AGMO: variants seen among roughly 807,000 people sequenced by gnomAD.
AGMO encodes glyceryl-ether monooxygenase.
Under a neutral mutation model 60.2 loss-of-function variants are expected in AGMO, and 75 were observed. The observed-to-expected ratio is 1.25, with a 90% CI of 1.03 to 1.51. The LOEUF (loss-of-function observed/expected upper bound fraction) is 1.51. AGMO is among the 40% of genes most tolerant of loss of function. The probability of loss-of-function intolerance (pLI) is 0.00; values close to 1 mark genes in which losing one functional copy is unlikely to be tolerated. For missense variants in AGMO, 763 were observed against 525.5 expected (o/e 1.45, Z -4.42); for synonymous variants, 261 against 177.1 (o/e 1.47, Z -3.76).
intron 5 of AGMO, among the ~76,000 whole-genome samples, chr7:15,402,377 C>T (rs749544459): frequency 2.7e-5 from 4 of 150,850 alleles, no homozygotes; most frequent in Non-Finnish European, 4.4e-5. Flanking sequence ...ATCCATCTAT[C>T]TTATCTATCT....
intron 3 of AGMO, among the ~76,000 whole-genome samples, chr7:15,478,954 T>A (rs890610900): frequency 6.6e-6 from 1 of 152,134 alleles, no homozygotes; most frequent in African/African-American, 2.4e-5. Context: ...TATGGGAAAC[T>A]TAATCTTGTA....
chr7:15,554,633 C>G (rs1474888350), intron 2 of AGMO, among the ~76,000 whole-genome samples: 1 of 152,000 alleles, frequency 6.6e-6, no homozygotes, highest in African/African-American at 2.4e-5. Context: ...ATATTTTTCT[C>G]TCATCACTAG....
At chr7:15,353,579 CTTT>C (rs2128554906) in intron 12 of AGMO, among the ~76,000 whole-genome samples, 1 of 152,210 alleles carries the variant, frequency 6.6e-6, no homozygotes, top group East Asian at 1.9e-4. Flanking sequence ...ATTTAAAATA[CTTT>C]TTTAAAAAAC....
At chr7:15,542,967 T>C (rs17168818) in intron 3 of AGMO, among the ~76,000 whole-genome samples, 1 of 152,138 alleles carries the variant, frequency 6.6e-6, no homozygotes, top group East Asian at 1.9e-4. Flanking sequence ...ATATTTAAAT[T>C]TTAACAGCCT....
chr7:15,514,285 A>G (rs1347893183), intron 3 of AGMO, among the ~76,000 whole-genome samples: 1 of 152,204 alleles, frequency 6.6e-6, no homozygotes, highest in Non-Finnish European at 1.5e-5. Context: ...TGGTATCAAT[A>G]AGCCAAAGCA....
intron 3 of AGMO, among the ~76,000 whole-genome samples, chr7:15,515,591 A>G (rs997013577): frequency 3.9e-5 from 6 of 152,248 alleles, no homozygotes; most frequent in Non-Finnish European, 2.9e-5. Context: ...ATATGAATGC[A>G]TATTTAAATG....
intron 12 of AGMO, among the ~76,000 whole-genome samples, chr7:15,227,888 G>C (rs1430340529): frequency 1.3e-5 from 2 of 152,018 alleles, no homozygotes. Flanking sequence ...GGTCAACTTA[G>C]AATACAAAGC....
At chr7:15,544,204 C>G (rs1784708158) in intron 3 of AGMO, among the ~76,000 whole-genome samples, 1 of 147,204 alleles carries the variant, frequency 6.8e-6, no homozygotes, top group Admixed American at 7.0e-5. Flanking sequence ...ATACATTGGA[C>G]TTTAGAGACT....
chr7:15,177,193 C>T, the AGMO span, among the ~76,000 whole-genome samples: 2 of 151,940 alleles, frequency 1.3e-5, no homozygotes, highest in Non-Finnish European at 2.9e-5. Flanking sequence ...AGCTACATTG[C>T]TTTTAATGAG....
chr7:15,304,933 T>C (rs1358623888), intron 12 of AGMO, among the ~76,000 whole-genome samples: 2 of 152,014 alleles, frequency 1.3e-5, no homozygotes, highest in Non-Finnish European at 2.9e-5. Flanking sequence ...GCACACTGGA[T>C]AAAAATTTTC....
intron 12 of AGMO, among the ~76,000 whole-genome samples, chr7:15,238,698 C>CCA (rs1423572055): frequency 2.6e-5 from 4 of 151,420 alleles, no homozygotes. Flanking sequence ...AATTCTAAGG[C>CCA]CAATGTTCAG....
chr7:15,117,845 T>C, the AGMO span, among the ~76,000 whole-genome samples: 2 of 151,944 alleles, frequency 1.3e-5, no homozygotes, highest in Admixed American at 6.6e-5. Context: ...GAATCTAGTA[T>C]ATTATGGTTT....
chr7:15,138,659 T>C, the AGMO span, among the ~76,000 whole-genome samples: 4,134 of 152,288 alleles, frequency 0.027, 212 homozygotes, highest in African/African-American at 0.095. Context: ...TAAACCGTTT[T>C]CTAAACACCA....
the AGMO span, among the ~76,000 whole-genome samples, chr7:15,131,983 C>T: frequency 6.6e-6 from 1 of 152,056 alleles, no homozygotes; most frequent in Non-Finnish European, 1.5e-5. Context: ...TCCTGCTGGA[C>T]TCACAATTGT....
chr7:15,237,019 T>C (rs1379847838), intron 12 of AGMO, among the ~76,000 whole-genome samples: 1 of 152,102 alleles, frequency 6.6e-6, no homozygotes, highest in Non-Finnish European at 1.5e-5. Flanking sequence ...ATGAAACCTT[T>C]ATTATTGAGG....
the AGMO span, among the ~76,000 whole-genome samples, chr7:15,160,239 CCTT>C: frequency 6.6e-6 from 1 of 152,114 alleles, no homozygotes; most frequent in Non-Finnish European, 1.5e-5. Context: ...ACTACTATTT[CCTT>C]CTTCTTCATA....
chr7:15,228,688 G>C (rs1346694142), intron 12 of AGMO, among the ~76,000 whole-genome samples: 7 of 152,112 alleles, frequency 4.6e-5, no homozygotes, highest in African/African-American at 1.7e-4. Context: ...CTTAAAAAAT[G>C]ATCTGGCATT....
rs1239804571 is a variant in AGMO at position 15,385,566 on chromosome 7, G to C, written c.958-4C>G. 6.5e-6 allele frequency: 10 copies of C among 1,550,094 alleles called. No individual in the cohort carries two copies. The African/African-American group carries it at 6.8e-5, about 11-fold the overall frequency. On this transcript the variant is annotated splice_region_variant and splice_polypyrimidine_tract_variant and intron_variant, in intron 9 of 12. Transcript: ENST00000342526. The stretch of plus-strand genomic sequence containing the variant: ...AGGGAACTTCTTTGCCGGTGACCTA[G>C]GGAGACAAGAACCATTTCCTTTATA...
rs150227603 is a variant in AGMO, at chr7:15,220,668, T to C, written c.1264-19309A>G. Among the ~76,000 whole-genome samples, 583 of 152,002 alleles carry C rather than the reference T, an allele frequency of 3.8e-3. 3 individuals are homozygous for C. Among genetic ancestry groups the C allele is most frequent in the Non-Finnish European group, 5.1e-3 (348 of 67,964 alleles). ...TCCAGTAATATTTTATTAATATGAA[T>C]ATATAAATTATCTTATTAGAAAATT... On this transcript the variant is annotated intron_variant, in intron 12 of 12. Transcript: ENST00000342526.
Sources: allele counts gnomAD v4.1 joint callset (sites outside exome capture counted in the v4.1 genomes callset), GRCh38; gene constraint gnomAD v4.1.1; transcripts MANE v1.5; gene names NCBI Gene and HGNC (gene_info 2026-07-23, HGNC 2026-07-21).